The following MACROD2 variants were observed in gnomAD, a reference collection of about 807,000 sequenced individuals.
MACROD2 encodes the protein ADP-ribose glycohydrolase MACROD2.
MACROD2 carries 36 observed loss-of-function variants against 70.4 expected under a neutral mutation model. That is an observed-to-expected ratio of 0.51 (90% CI 0.39 to 0.68). The LOEUF (loss-of-function observed/expected upper bound fraction) is 0.68. Among genes scored for constraint, MACROD2 ranks in the 30% least tolerant of loss-of-function variants. The pLI is 0.00. For synonymous variants in MACROD2, 172 were observed against 178.8 expected (o/e 0.96, Z 0.30); for missense variants, 496 against 538.4 (o/e 0.92, Z 0.78).
intron 8 of MACROD2, among the ~76,000 whole-genome samples, chr20:15,831,533 TC>T (rs1478130527): frequency 3.3e-5 from 5 of 152,206 alleles, no homozygotes; most frequent in Admixed American, 1.3e-4. Flanking sequence ...CACCAGCTCT[TC>T]CTCCACCTTC....
At chr20:15,108,565 C>T (rs192050472) in intron 5 of MACROD2, among the ~76,000 whole-genome samples, 4 of 152,322 alleles carry the variant, frequency 2.6e-5, no homozygotes, top group Admixed American at 2.6e-4. Context: ...CTAGAATCCA[C>T]TTATTCTCCA....
chr20:15,737,580 A>G (rs1208338397), intron 8 of MACROD2, among the ~76,000 whole-genome samples: 2 of 152,194 alleles, frequency 1.3e-5, no homozygotes, highest in East Asian at 3.9e-4. Flanking sequence ...GTTAGCTCTT[A>G]CACCGTGTCT....
chr20:15,307,749 C>CT (rs923569306), intron 6 of MACROD2, among the ~76,000 whole-genome samples: 2 of 151,898 alleles, frequency 1.3e-5, no homozygotes, highest in Non-Finnish European at 2.9e-5. Context: ...AAATAATTTT[C>CT]TTTTTTTTCT....
intron 8 of MACROD2, among the ~76,000 whole-genome samples, chr20:15,513,730 GC>G (rs2047531621): frequency 6.6e-6 from 1 of 152,160 alleles, no homozygotes; most frequent in Non-Finnish European, 1.5e-5. Context: ...ATAAAAGTAA[GC>G]TTTTTGGCCT....
chr20:14,479,408 T>C (rs1372231740), intron 3 of MACROD2, among the ~76,000 whole-genome samples: 1 of 152,142 alleles, frequency 6.6e-6, no homozygotes, highest in Non-Finnish European at 1.5e-5. Flanking sequence ...TTATCTTCAG[T>C]GGGGCTCCTC....
chr20:15,719,038 T>C (rs1434774367), intron 8 of MACROD2, among the ~76,000 whole-genome samples: 1 of 152,214 alleles, frequency 6.6e-6, no homozygotes, highest in Non-Finnish European at 1.5e-5. Context: ...TTTTTTTCAA[T>C]GCAGTCCTTC....
chr20:15,874,072 C>T (rs1260176047), intron 9 of MACROD2, among the ~76,000 whole-genome samples: 72 of 136,202 alleles, frequency 5.3e-4, no homozygotes, highest in African/African-American at 1.9e-3. Flanking sequence ...CCAGCCCCCC[C>T]ACCCCCCAAC....
At chr20:14,388,595 T>A (rs537188572) in intron 3 of MACROD2, among the ~76,000 whole-genome samples, 2 of 152,338 alleles carry the variant, frequency 1.3e-5, no homozygotes, top group Admixed American at 1.3e-4. Flanking sequence ...ACATTTACAA[T>A]GCTGTACTTT....
At chr20:14,793,206 G>A (rs2072470564) in intron 5 of MACROD2, among the ~76,000 whole-genome samples, 1 of 151,766 alleles carries the variant, frequency 6.6e-6, no homozygotes, top group Non-Finnish European at 1.5e-5. Flanking sequence ...TGTAAAGTGG[G>A]AAGAATATAT....
chr20:14,674,958 C>A (rs2123569534), intron 4 of MACROD2, among the ~76,000 whole-genome samples: 1 of 152,202 alleles, frequency 6.6e-6, no homozygotes, highest in South Asian at 2.1e-4. Context: ...ATGTGAAAAT[C>A]CAAGAACTCC....
intron 8 of MACROD2, among the ~76,000 whole-genome samples, chr20:15,547,428 T>C (rs973944138): frequency 3.9e-5 from 6 of 152,202 alleles, no homozygotes; most frequent in Admixed American, 3.9e-4. Context: ...AATCTGTCCA[T>C]GATGACAAGT....
intron 3 of MACROD2, among the ~76,000 whole-genome samples, chr20:14,286,861 T>C (rs1210539389): frequency 2.6e-5 from 4 of 152,166 alleles, no homozygotes; most frequent in East Asian, 1.9e-4. Context: ...GATGCTCAGA[T>C]TGGCTCAGCT....
chr20:15,566,142 A>G (rs1434539366), intron 8 of MACROD2, among the ~76,000 whole-genome samples: 8 of 152,162 alleles, frequency 5.3e-5, no homozygotes, highest in Admixed American at 2.0e-4. Context: ...TAAAAATAAT[A>G]TATGCAGTTG....
At chr20:14,345,713 A>C (rs1301167338) in intron 3 of MACROD2, among the ~76,000 whole-genome samples, 1 of 152,024 alleles carries the variant, frequency 6.6e-6, no homozygotes, top group Non-Finnish European at 1.5e-5. Flanking sequence ...TATAGGTGAG[A>C]GTCACCACAC....
At chr20:15,550,629 C>T (rs1011301099) in intron 8 of MACROD2, among the ~76,000 whole-genome samples, 1 of 152,070 alleles carries the variant, frequency 6.6e-6, no homozygotes, top group Non-Finnish European at 1.5e-5. Flanking sequence ...TATTCAGTTC[C>T]CCAACCAGTT....
rs6131689 is a variant in MACROD2 at position 15,727,887 on chromosome 20, T to A, written c.646-134858T>A. Among the ~76,000 whole-genome samples the A allele has an allele frequency of 1.1e-3, 162 of 152,276 alleles. 1 individual carries two copies. Among genetic ancestry groups the A allele is most frequent in the East Asian group, 7.1e-3 (37 of 5,180 alleles). ...ATTTTGCAAACAGGAACAGCTTGAT[T>A]TCTTCTCTTCCTATTTGGATGCACT... On this transcript the variant is annotated intron_variant, in intron 8 of 17. Coordinates refer to ENST00000684519, the MANE Select transcript of MACROD2 (RefSeq NM_001351661.2).
intron 8 of MACROD2, among the ~76,000 whole-genome samples, chr20:15,762,995 G>A (rs899358305): frequency 3.3e-5 from 5 of 152,096 alleles, no homozygotes; most frequent in Non-Finnish European, 5.9e-5. Flanking sequence ...TAACAACAAC[G>A]GTAAGGGAAT....
intron 8 of MACROD2, among the ~76,000 whole-genome samples, chr20:15,577,728 G>A (rs1342415574): frequency 6.6e-6 from 1 of 152,022 alleles, no homozygotes; most frequent in Non-Finnish European, 1.5e-5. Context: ...TTCATAAATT[G>A]GCTTATATCT....
intron 5 of MACROD2, among the ~76,000 whole-genome samples, chr20:15,103,042 A>G (rs971024579): frequency 2.6e-5 from 4 of 152,170 alleles, no homozygotes; most frequent in African/African-American, 7.2e-5. Context: ...ATATGTACTT[A>G]TACATGGGAA....
Sources: gnomAD v4.1 joint callset for allele counts (sites outside exome capture counted in the v4.1 genomes callset) on GRCh38, gnomAD v4.1.1 for gene constraint, MANE v1.5 for transcripts, NCBI Gene and HGNC (gene_info 2026-07-23, HGNC 2026-07-21) for gene names.